C9orf153: variants seen among roughly 807,000 people sequenced by gnomAD.
The protein encoded by C9orf153 is uncharacterized protein C9orf153.
Under a neutral mutation model 9.0 loss-of-function variants are expected in C9orf153, and 10 were observed. That is an observed-to-expected ratio of 1.11 (90% CI 0.69 to 1.89). The LOEUF is 1.89. Ranked by LOEUF, C9orf153 falls within the 40% of genes most tolerant of loss-of-function variation. The probability of loss-of-function intolerance (pLI) is 0.00; values close to 1 mark genes in which losing one functional copy is unlikely to be tolerated. For synonymous variants in C9orf153, 35 were observed against 37.3 expected, an observed-to-expected ratio of 0.94 and a Z score of 0.23; for missense variants, 108 against 111.0, an observed-to-expected ratio of 0.97 and a Z score of 0.12.
Position 86,221,449 on chromosome 9 carries a change from C to T in C9orf153, c.*239G>A. 1 of 1,008,622 alleles carries T rather than the reference C, an allele frequency of 9.9e-7. No individual in the cohort carries two copies. The highest frequency in any genetic ancestry group is 1.3e-6 in the Non-Finnish European group (1 of 769,856). The allele number at this position is 1,008,622 out of a possible 1,614,324, so 62.5% of individuals were successfully genotyped here. ...CTTCTTTACTTTTTGTGTATTAAATCAATGCTCTCAAAAGCAAAAATCTAC... is the reference window on the plus strand; with the variant it reads ...CTTCTTTACTTTTTGTGTATTAAATTAATGCTCTCAAAAGCAAAAATCTAC... On this transcript the variant is annotated 3_prime_UTR_variant, in exon 4 of 4. Transcript: ENST00000339137.
At position 86,221,648 on chromosome 9, in the gene C9orf153, G is replaced by A. The variant is rs1439303205; in HGVS notation, c.*40C>T. On this transcript the variant is annotated 3_prime_UTR_variant, in exon 4 of 4. Transcript: ENST00000339137. The stretch of plus-strand genomic sequence containing the variant: ...TCTCAGTGTTGTATTTTATGTCTCC[G>A]AATGAAATTGCAGTAGTGCGCCTCC... 2.4e-5 allele frequency: 37 copies of A among 1,541,502 alleles called. No individual in the cohort carries two copies. Among genetic ancestry groups the A allele is most frequent in the East Asian group, 1.8e-4 (7 of 39,958 alleles).
intron 1 of C9orf153, among the ~76,000 whole-genome samples, chr9:86,252,288 C>A (rs1825012677): frequency 6.6e-6 from 1 of 152,154 alleles, no homozygotes; most frequent in Non-Finnish European, 1.5e-5. Flanking sequence ...CCTGCCTCAG[C>A]CTCCCAAATT....
chr9:86,229,538 T>G lies in C9orf153; in HGVS notation c.66A>C (p.Ser22=). ...DNREATLPQC[S]LPELYACIEN... ...TCGTTGTACAATGTTAAGTACATAC[T>G]GAACATTGAGGAAGGGTGGCTTCTC... Residue 22 remains serine (S), a splice_region_variant and synonymous_variant, in exon 2 of 4, where the codon TCA becomes TCC. Coordinates refer to ENST00000339137, the MANE Select transcript of C9orf153 (RefSeq NM_001276366.4). 6.2e-7 allele frequency: 1 copy of G among 1,602,892 alleles called. No homozygotes were observed. The highest frequency in any genetic ancestry group is 8.5e-7 in the Non-Finnish European group (1 of 1,169,830).
At chr9:86,227,425 C>T (rs1230083422) in intron 3 of C9orf153, 1 of 1,456,622 alleles carries the variant, frequency 6.9e-7, no homozygotes. Context: ...TTAATAGCAG[C>T]CATGAACCTC....
intron 3 of C9orf153, 112 bp from the exon 4 acceptor site, chr9:86,221,845 T>C (rs1462699822): frequency 8.6e-6 from 5 of 583,910 alleles, no homozygotes; most frequent in Non-Finnish European, 1.5e-5. Flanking sequence ...GTCCCCTCTT[T>C]CTGGCAGAAA....
At chr9:86,225,000 A>C (rs1002960) in intron 3 of C9orf153, among the ~76,000 whole-genome samples, 33,379 of 150,488 alleles carry the variant, frequency 0.22, 3,962 homozygotes, top group African/African-American at 0.31. Context: ...CTAGACTTCT[A>C]ATTATGTAAG....
chr9:86,252,071 G>C (rs1438055907), intron 1 of C9orf153, among the ~76,000 whole-genome samples: 1 of 152,080 alleles, frequency 6.6e-6, no homozygotes, highest in African/African-American at 2.4e-5. Context: ...GTCTCACTCT[G>C]TTGCCCAGGC....
At chr9:86,236,643 G>A (rs1824600462) in intron 1 of C9orf153, among the ~76,000 whole-genome samples, 1 of 151,594 alleles carries the variant, frequency 6.6e-6, no homozygotes, top group Non-Finnish European at 1.5e-5. Flanking sequence ...TGTCTTGCAA[G>A]AAATGTTAAA....
At chr9:86,252,456 C>T (rs558554010) in intron 1 of C9orf153, among the ~76,000 whole-genome samples, 1 of 152,236 alleles carries the variant, frequency 6.6e-6, no homozygotes, top group East Asian at 1.9e-4. Flanking sequence ...TTTACAGTGA[C>T]CTGTTATCCT....
intron 1 of C9orf153, among the ~76,000 whole-genome samples, chr9:86,248,445 CTTTTA>C (rs1824917280): frequency 6.6e-6 from 1 of 152,104 alleles, no homozygotes; most frequent in African/African-American, 2.4e-5. Flanking sequence ...GTTTTTTCTA[CTTTTA>C]TTTTAGCTTC....
chr9:86,224,127 C>T (rs1474071477), intron 3 of C9orf153, among the ~76,000 whole-genome samples: 1 of 152,170 alleles, frequency 6.6e-6, no homozygotes, highest in Non-Finnish European at 1.5e-5. Flanking sequence ...TGGCTCACGC[C>T]TGTAATCCCA....
At chr9:86,226,493 T>TA (rs1423115471) in intron 3 of C9orf153, among the ~76,000 whole-genome samples, 4 of 152,060 alleles carry the variant, frequency 2.6e-5, no homozygotes, top group African/African-American at 9.7e-5. Flanking sequence ...GGCTAATTTT[T>TA]AAAATTTTTT....
chr9:86,243,107 G>A (rs1824784952), intron 1 of C9orf153, among the ~76,000 whole-genome samples: 1 of 151,204 alleles, frequency 6.6e-6, no homozygotes, highest in African/African-American at 2.4e-5. Flanking sequence ...TTCCTTTGGT[G>A]ATGTGTTACA....
chr9:86,243,864 T>C (rs1013424163), intron 1 of C9orf153, among the ~76,000 whole-genome samples: 10 of 152,226 alleles, frequency 6.6e-5, no homozygotes, highest in African/African-American at 2.2e-4. Context: ...GGTCTCACAG[T>C]TGATGTTGGC....
intron 3 of C9orf153, chr9:86,227,323 A>G: frequency 2.1e-6 from 3 of 1,453,110 alleles, no homozygotes; most frequent in Non-Finnish European, 2.7e-6. Context: ...ATTTTTATTT[A>G]TTTATTTATT....
At chr9:86,233,142 C>A (rs1824507952) in intron 1 of C9orf153, among the ~76,000 whole-genome samples, 1 of 152,146 alleles carries the variant, frequency 6.6e-6, no homozygotes, top group Non-Finnish European at 1.5e-5. Flanking sequence ...TATCTTCAGT[C>A]TCATGTTCCC....
chr9:86,239,518 T>C (rs1260711945), intron 1 of C9orf153, among the ~76,000 whole-genome samples: 2 of 152,192 alleles, frequency 1.3e-5, no homozygotes, highest in East Asian at 1.9e-4. Flanking sequence ...TGAGGAGTTA[T>C]AGTTTAGAGA....
chr9:86,239,650 G>A (rs1410511136), intron 1 of C9orf153, among the ~76,000 whole-genome samples: 1 of 152,218 alleles, frequency 6.6e-6, no homozygotes, highest in African/African-American at 2.4e-5. Context: ...GTGCCAATGG[G>A]CACCATGCTT....
chr9:86,234,513 T>TA (rs1271353600), intron 1 of C9orf153, among the ~76,000 whole-genome samples: 1 of 152,166 alleles, frequency 6.6e-6, no homozygotes, highest in East Asian at 1.9e-4. Flanking sequence ...TATCCACACA[T>TA]AGAAGAATGA....
Sources: allele counts gnomAD v4.1 joint callset (sites outside exome capture counted in the v4.1 genomes callset), GRCh38; gene constraint gnomAD v4.1.1; transcripts MANE v1.5; gene names NCBI Gene and HGNC (gene_info 2026-07-23, HGNC 2026-07-21).